Variants in TENM4 observed in about 807,000 individuals in gnomAD.
The protein encoded by TENM4 is teneurin-4.
In TENM4, 82 loss-of-function variants were observed where a neutral mutation model predicts 243.3. The observed-to-expected ratio is 0.34, with a 90% confidence interval of 0.28 to 0.40. The LOEUF (loss-of-function observed/expected upper bound fraction) is 0.40, where lower values mean the gene tolerates loss of function less well. Ranked by LOEUF, TENM4 falls within the 10% of genes least tolerant of loss-of-function variation. The pLI is 1.00. For synonymous variants in TENM4, 1,412 were observed against 1,456.3 expected (o/e 0.97, Z 0.69); for missense variants, 3,138 against 3,673.3 (o/e 0.85, Z 3.77).
intron 20 of TENM4, among the ~76,000 whole-genome samples, chr11:78,733,498 A>G (rs1855716262): frequency 6.6e-6 from 1 of 152,082 alleles, no homozygotes; most frequent in African/African-American, 2.4e-5. Flanking sequence ...TCCTTGCCTC[A>G]CCCCAGAATA....
intron 6 of TENM4, among the ~76,000 whole-genome samples, chr11:79,023,683 T>A (rs749534191): frequency 6.6e-6 from 1 of 152,108 alleles, no homozygotes; most frequent in Non-Finnish European, 1.5e-5. Context: ...AATGTGGCAG[T>A]AAAAAGCTAC....
intron 7 of TENM4, among the ~76,000 whole-genome samples, chr11:78,898,401 G>C (rs1478083675): frequency 6.6e-6 from 1 of 152,212 alleles, no homozygotes; most frequent in Non-Finnish European, 1.5e-5. Flanking sequence ...GACTGAGTTT[G>C]ACAATCAGGG....
At chr11:78,767,903 T>C (rs895075911) in intron 18 of TENM4, among the ~76,000 whole-genome samples, 4 of 152,250 alleles carry the variant, frequency 2.6e-5, no homozygotes, top group African/African-American at 9.6e-5. Flanking sequence ...GACTGGGCCA[T>C]GTTCACTGGT....
At chr11:79,367,141 T>C (rs1857691733) in intron 1 of TENM4, among the ~76,000 whole-genome samples, 1 of 152,250 alleles carries the variant, frequency 6.6e-6, no homozygotes, top group Non-Finnish European at 1.5e-5. Context: ...CTTGGGCCTT[T>C]GGCTCCATTT....
At chr11:78,713,208 C>A (rs1011052277) in intron 25 of TENM4, among the ~76,000 whole-genome samples, 1 of 152,172 alleles carries the variant, frequency 6.6e-6, no homozygotes, top group Non-Finnish European at 1.5e-5. Context: ...TGGATGAAAC[C>A]CTGGCTGGCT....
chr11:79,118,957 T>G (rs1247425866), intron 4 of TENM4, among the ~76,000 whole-genome samples: 1 of 152,096 alleles, frequency 6.6e-6, no homozygotes, highest in Non-Finnish European at 1.5e-5. Flanking sequence ...TAATTTCATT[T>G]TTAACTTTTT....
intron 18 of TENM4, among the ~76,000 whole-genome samples, chr11:78,767,242 A>G (rs1176258464): frequency 6.6e-6 from 1 of 152,238 alleles, no homozygotes; most frequent in Non-Finnish European, 1.5e-5. Flanking sequence ...CTTCTGCGAA[A>G]TAATCGCTAA....
At position 79,440,280 on chromosome 11, in the gene TENM4, G is replaced by A. The variant is rs1291865794; in HGVS notation, c.-321+229C>T. On this transcript the variant is annotated intron_variant, in intron 1 of 33. Coordinates refer to ENST00000278550, the MANE Select transcript of TENM4 (RefSeq NM_001098816.3). The surrounding 1 kb of genome is among the most constrained non-coding windows in gnomAD (Gnocchi z 4.7). ...AGGCTCCAGTCCGCGGCGGGCTCCG[G>A]GGGCTGCGGCGGCTCCAGGCTCCAG... Among the ~76,000 whole-genome samples the A allele has an allele frequency of 6.6e-6, 1 of 152,024 alleles. No homozygotes were observed. Among genetic ancestry groups the A allele is most frequent in the African/African-American group, 2.4e-5 (1 of 41,422 alleles).
chr11:79,125,728 C>T (rs1339512818), intron 4 of TENM4, among the ~76,000 whole-genome samples: 2 of 152,102 alleles, frequency 1.3e-5, no homozygotes, highest in African/African-American at 4.8e-5. Flanking sequence ...GGACATAAAC[C>T]CTGAGCTGCC....
chr11:79,345,509 G>A (rs1212415354), intron 1 of TENM4, among the ~76,000 whole-genome samples: 1 of 152,118 alleles, frequency 6.6e-6, no homozygotes, highest in East Asian at 1.9e-4. Context: ...CGAAATAATG[G>A]CCAAGTGTAT....
intron 1 of TENM4, among the ~76,000 whole-genome samples, chr11:79,308,455 C>CA (rs769206666): frequency 5.3e-5 from 8 of 152,036 alleles, no homozygotes. Context: ...GAGGTATCTG[C>CA]AACAACTATA....
chr11:79,308,201 T>G (rs1856658833), intron 1 of TENM4, among the ~76,000 whole-genome samples: 2 of 152,236 alleles, frequency 1.3e-5, no homozygotes. Flanking sequence ...GCCTTCGCCT[T>G]TTTGTCCCAT....
chr11:79,402,026 TG>T, intron 1 of TENM4: 1 of 418,652 alleles, frequency 2.4e-6, no homozygotes, highest in Non-Finnish European at 5.3e-6. Context: ...GTAAGGTCCC[TG>T]CCCTCTAGAA....
intron 28 of TENM4, among the ~76,000 whole-genome samples, chr11:78,694,168 T>C (rs1490952602): frequency 6.6e-6 from 1 of 152,232 alleles, no homozygotes; most frequent in East Asian, 1.9e-4. Flanking sequence ...AACGCCGAAT[T>C]GCCCTCTGAT....
intron 6 of TENM4, among the ~76,000 whole-genome samples, chr11:78,913,403 C>T (rs903005874): frequency 2.0e-5 from 3 of 152,106 alleles, no homozygotes; most frequent in African/African-American, 7.2e-5. Flanking sequence ...CATGCTTTCC[C>T]CCAACTTAAA....
chr11:78,687,762 G>A (rs1858721534), intron 29 of TENM4, among the ~76,000 whole-genome samples: 1 of 152,022 alleles, frequency 6.6e-6, no homozygotes, highest in Admixed American at 6.6e-5. Flanking sequence ...TGTTAATCTG[G>A]GAGTCATTAG....
intron 4 of TENM4, among the ~76,000 whole-genome samples, chr11:79,131,251 A>C (rs1861997554): frequency 6.6e-6 from 1 of 152,212 alleles, no homozygotes; most frequent in Non-Finnish European, 1.5e-5. Flanking sequence ...GTTAAGACGA[A>C]GGAAAGAATC....
At chr11:79,332,886 C>A (rs1301969969) in intron 1 of TENM4, among the ~76,000 whole-genome samples, 2 of 152,106 alleles carry the variant, frequency 1.3e-5, no homozygotes, top group Non-Finnish European at 1.5e-5. Context: ...TTGTTCTAGT[C>A]TTTAGAAAGT....
At chr11:79,087,637 C>T (rs970229827) in intron 4 of TENM4, among the ~76,000 whole-genome samples, 2 of 152,188 alleles carry the variant, frequency 1.3e-5, no homozygotes, top group African/African-American at 2.4e-5. Context: ...AGTGAGGGAT[C>T]GAGGGATGTT....
Sources: gnomAD v4.1 joint callset for allele counts (sites outside exome capture counted in the v4.1 genomes callset) on GRCh38, gnomAD v4.1.1 for gene constraint, Gnocchi (gnomAD v3.1) non-coding constraint, MANE v1.5 for transcripts, NCBI Gene and HGNC (gene_info 2026-07-23, HGNC 2026-07-21) for gene names.